The following ITPR2 variants were observed in gnomAD, a reference collection of about 807,000 sequenced individuals.
ITPR2 encodes inositol 1,4,5-trisphosphate-gated calcium channel ITPR2.
ITPR2 carries 207 observed loss-of-function variants against 317.1 expected under a neutral mutation model. That is an observed-to-expected ratio of 0.65 (90% CI 0.58 to 0.73). The LOEUF is 0.73. Among genes scored for constraint, ITPR2 ranks in the 30% least tolerant of loss-of-function variants. The pLI, the probability that ITPR2 is intolerant of heterozygous loss-of-function variation, is 0.00. For missense variants in ITPR2, 2,613 were observed against 3,284.0 expected (o/e 0.80, Z 4.99); for synonymous variants, 1,156 against 1,149.1 (o/e 1.01, Z -0.12).
At chr12:26,777,321 C>T (rs1205632391) in intron 2 of ITPR2, among the ~76,000 whole-genome samples, 1 of 152,150 alleles carries the variant, frequency 6.6e-6, no homozygotes, top group East Asian at 1.9e-4. Context: ...TTGACCAATG[C>T]TTTGTGAAAC....
rs182822134 is a variant in ITPR2, at chr12:26,789,489, C to T, written c.163+668G>A. ...GGTTATACATTGTTCAAAATAAATG[C>T]CATTTTAAAATTATTTTTATTATTA... On this transcript the variant is annotated intron_variant, in intron 2 of 56. Coordinates refer to ENST00000381340, the MANE Select transcript of ITPR2 (RefSeq NM_002223.4). Among the ~76,000 whole-genome samples, 57 of 152,180 alleles carry T rather than the reference C, an allele frequency of 3.7e-4. No homozygotes were observed. In the East Asian group the frequency reaches 9.3e-3, roughly 25 times the overall value.
intron 2 of ITPR2, among the ~76,000 whole-genome samples, chr12:26,738,510 A>C (rs2137076944): frequency 6.6e-6 from 1 of 152,128 alleles, no homozygotes; most frequent in Non-Finnish European, 1.5e-5. Context: ...TTTCCTACCT[A>C]TTCTTTTATT....
chr12:26,700,939 C>G lies in ITPR2; in HGVS notation c.952-5289G>C, dbSNP rs923883408. Among the ~76,000 whole-genome samples the G allele has an allele frequency of 2.0e-5, 3 of 152,306 alleles. No individual in the cohort carries two copies. In the East Asian group the frequency reaches 5.8e-4, roughly 29 times the overall value. Reference sequence around the variant, plus strand: ...TTTAACTATGAACTAAGAAAAATCACTATTTTGCAAGGAAACAATTAAATT... The same window carrying G: ...TTTAACTATGAACTAAGAAAAATCAGTATTTTGCAAGGAAACAATTAAATT... On this transcript the variant is annotated intron_variant, in intron 9 of 56. Transcript: ENST00000381340.
chr12:26,736,501 T>C lies in ITPR2; in HGVS notation c.164-10736A>G, dbSNP rs114665208. On this transcript the variant is annotated intron_variant, in intron 2 of 56. Coordinates refer to ENST00000381340, the MANE Select transcript of ITPR2 (RefSeq NM_002223.4). ...TGATAGAGAGGAGCACCAAGGCTAT[T>C]AGCAATTAGTATTTTAAAAACTGAA... Among the ~76,000 whole-genome samples the C allele has an allele frequency of 3.6e-3, 555 of 152,282 alleles. 3 individuals carry two copies. Among genetic ancestry groups the C allele is most frequent in the African/African-American group, 0.013 (539 of 41,554 alleles).
chr12:26,818,303 A>G (rs1950891818), intron 1 of ITPR2, among the ~76,000 whole-genome samples: 1 of 152,200 alleles, frequency 6.6e-6, no homozygotes, highest in South Asian at 2.1e-4. Flanking sequence ...AGATTCTCCA[A>G]TTCTTAAGAA....
chr12:26,757,730 C>T (rs1949552205), intron 2 of ITPR2, among the ~76,000 whole-genome samples: 1 of 152,194 alleles, frequency 6.6e-6, no homozygotes. Flanking sequence ...GGTTCTCACA[C>T]TTTGCATGAC....
chr12:26,777,928 G>A (rs1398270918), intron 2 of ITPR2, among the ~76,000 whole-genome samples: 1 of 152,186 alleles, frequency 6.6e-6, no homozygotes, highest in African/African-American at 2.4e-5. Context: ...GGGACTGCTG[G>A]ACACTGGCTC....
chr12:26,829,242 G>A lies in ITPR2; in HGVS notation c.92+3448C>T, dbSNP rs561122414. ...ATTTTTTATTATAAAAAAAATTAAC[G>A]CTTTCTGCACTGCCCTGTTTTCAAA... On this transcript the variant is annotated intron_variant, in intron 1 of 56. Coordinates refer to ENST00000381340, the MANE Select transcript of ITPR2 (RefSeq NM_002223.4). Among the ~76,000 whole-genome samples the A allele has an allele frequency of 3.3e-5, 5 of 152,110 alleles. No homozygotes were observed. In the East Asian group the frequency reaches 7.7e-4, roughly 23 times the overall value.
chr12:26,765,613 C>T (rs543622848), intron 2 of ITPR2, among the ~76,000 whole-genome samples: 57 of 152,208 alleles, frequency 3.7e-4, no homozygotes, highest in Admixed American at 3.2e-3. Context: ...ATGTTGGCTA[C>T]ATACCTTTTG....
chr12:26,421,062 T>G (rs1940877374), intron 49 of ITPR2, among the ~76,000 whole-genome samples: 1 of 152,114 alleles, frequency 6.6e-6, no homozygotes, highest in Non-Finnish European at 1.5e-5. Context: ...TTTCTAATTC[T>G]CCAAATGAAA....
intron 12 of ITPR2, among the ~76,000 whole-genome samples, 176 bp downstream of exon 12, chr12:26,682,398 A>G (rs1166076944): frequency 1.3e-5 from 2 of 152,162 alleles, no homozygotes; most frequent in African/African-American, 4.8e-5. Flanking sequence ...CCTCCAACCC[A>G]TTTAGATCAG....
chr12:26,786,865 C>A (rs981640627), intron 2 of ITPR2, among the ~76,000 whole-genome samples: 5 of 152,320 alleles, frequency 3.3e-5, no homozygotes, highest in East Asian at 3.9e-4. Flanking sequence ...AACTGAGGTG[C>A]AGCTGAACTG....
At chr12:26,658,268 T>C (rs1947419236) in intron 16 of ITPR2, 138 bp from the exon 17 acceptor site, 1 of 500,040 alleles carries the variant, frequency 2.0e-6, no homozygotes, top group Non-Finnish European at 3.1e-6. Context: ...ATTTGTCTAA[T>C]GTGTTGTTTA....
At chr12:26,777,508 T>C (rs1292772063) in intron 2 of ITPR2, among the ~76,000 whole-genome samples, 1 of 152,196 alleles carries the variant, frequency 6.6e-6, no homozygotes, top group African/African-American at 2.4e-5. Flanking sequence ...AGAGGCACGG[T>C]GGGTGTAACT....
At chr12:26,388,405 C>A (rs143235928) in intron 54 of ITPR2, among the ~76,000 whole-genome samples, 127 of 152,112 alleles carry the variant, frequency 8.3e-4, no homozygotes, top group African/African-American at 3.0e-3. Flanking sequence ...GAAATCCAAC[C>A]CTGGCTATTC....
intron 1 of ITPR2, among the ~76,000 whole-genome samples, chr12:26,826,918 G>C (rs951846985): frequency 3.9e-5 from 6 of 152,136 alleles, no homozygotes; most frequent in African/African-American, 9.7e-5. Flanking sequence ...TGGTCAAGTT[G>C]ACGTACACAG....
At chr12:26,771,055 TAAG>T (rs768037795) in intron 2 of ITPR2, among the ~76,000 whole-genome samples, 2 of 152,206 alleles carry the variant, frequency 1.3e-5, no homozygotes, top group Non-Finnish European at 2.9e-5. Flanking sequence ...CAAGGATATA[TAAG>T]ATTTAGGACC....
At chr12:26,625,854 T>C (rs1460949476) in intron 23 of ITPR2, among the ~76,000 whole-genome samples, 2 of 152,172 alleles carry the variant, frequency 1.3e-5, no homozygotes, top group African/African-American at 4.8e-5. Context: ...TCCCTTTTTC[T>C]TGTGGGAAAG....
At chr12:26,543,412 G>A (rs965177793) in intron 37 of ITPR2, among the ~76,000 whole-genome samples, 2 of 152,080 alleles carry the variant, frequency 1.3e-5, no homozygotes, top group Non-Finnish European at 2.9e-5. Flanking sequence ...AGAGAGAGGA[G>A]AGAGAGGGAG....
Sources: gnomAD v4.1 joint callset for allele counts (sites outside exome capture counted in the v4.1 genomes callset) on GRCh38, gnomAD v4.1.1 for gene constraint, MANE v1.5 for transcripts, NCBI Gene and HGNC (gene_info 2026-07-23, HGNC 2026-07-21) for gene names.